The following MSI1 variants were observed in gnomAD, a reference collection of about 807,000 sequenced individuals.
MSI1 encodes RNA-binding protein Musashi homolog 1.
MSI1 carries 15 observed loss-of-function variants against 54.4 expected under a neutral mutation model. The ratio of observed to expected loss-of-function variants is 0.28; its 90% CI spans 0.18 to 0.42. MSI1 has a LOEUF of 0.42. MSI1 is among the 20% of genes least tolerant of loss of function. The pLI, the probability that MSI1 is intolerant of heterozygous loss-of-function variation, is 1.00. For synonymous variants in MSI1, 200 were observed against 196.5 expected (o/e 1.02, Z -0.15); for missense variants, 304 against 506.0 (o/e 0.60, Z 3.83).
rs1250724247 is a variant in MSI1, at chr12:120,368,757, TG to T, written c.100+75del. 2 of 1,274,642 alleles carry T rather than the reference TG, an allele frequency of 1.6e-6. No homozygotes were observed. The highest frequency in any genetic ancestry group is 7.0e-5 in the Admixed American group (2 of 28,532). The allele number at this position is 1,274,642 out of a possible 1,614,324, so 79.0% of individuals were successfully genotyped here. On this transcript the variant is annotated intron_variant, in intron 2 of 14. Coordinates refer to ENST00000257552, the MANE Select transcript of MSI1 (RefSeq NM_002442.4). The surrounding 1 kb of genome is among the most constrained non-coding windows in gnomAD (Gnocchi z 6.6). ...GGGTCAGCAGGGCGCAGGGCCGGGC[TG>T]GGGTGTCCGGGTCCGGGGCGCCGGG...
rs1464070599 is a variant in MSI1, at chr12:120,364,727, C to T, written c.296G>A (p.Arg99Gln). The T allele has an allele frequency of 1.0e-5, 16 of 1,599,892 alleles. No homozygotes were observed. Among genetic ancestry groups the T allele is most frequent in the East Asian group, 4.5e-5 (2 of 43,964 alleles). ...TIDPKVAFPRRAQPKMVTRTK... is the reference protein window; with the variant it reads ...TIDPKVAFPRQAQPKMVTRTK... ...AGACACACCTACCTTGGGCTGTGCTCGCCGAGGGAAGGCCACCTTAGGGTC... is the reference window on the plus strand; with the variant it reads ...AGACACACCTACCTTGGGCTGTGCTTGCCGAGGGAAGGCCACCTTAGGGTC... The change falls in exon 5 of 15, where the codon CGA (arginine) becomes CAA (glutamine). Residue 99 changes from arginine (R) to glutamine (Q), a missense_variant. By Grantham distance (43) the Arg-to-Gln change is conservative (BLOSUM62 1). Transcript: ENST00000257552.
chr12:120,344,732 G>A (rs887611285), intron 14 of MSI1, among the ~76,000 whole-genome samples: 4 of 150,230 alleles, frequency 2.7e-5, no homozygotes, highest in African/African-American at 9.8e-5. Context: ...ATAGGGCTGG[G>A]CACGGTGGCT....
chr12:120,345,427 A>G (rs1874028651), intron 14 of MSI1, 143 bp downstream of exon 14: 1 of 679,758 alleles, frequency 1.5e-6, no homozygotes, highest in Admixed American at 2.9e-5. Context: ...TTTCATCTTT[A>G]TTGACCACAG....
chr12:120,351,233 G>T, intron 11 of MSI1, 111 bp downstream of exon 11: 1 of 1,044,470 alleles, frequency 9.6e-7, no homozygotes, highest in East Asian at 2.6e-5. Flanking sequence ...ACAGCCGGAG[G>T]GCTGGCGGGC....
chr12:120,354,282 A>C (rs1346362463), intron 9 of MSI1, among the ~76,000 whole-genome samples: 1 of 152,166 alleles, frequency 6.6e-6, no homozygotes, highest in Non-Finnish European at 1.5e-5. Context: ...GCCAGAAAGT[A>C]CTCATGATTT....
At chr12:120,355,488 A>G (rs1875036757) in intron 9 of MSI1, among the ~76,000 whole-genome samples, 1 of 152,208 alleles carries the variant, frequency 6.6e-6, no homozygotes, top group South Asian at 2.1e-4. Flanking sequence ...TACATGAAAG[A>G]ATATCCCTAA....
At chr12:120,355,897 G>A (rs1026414821) in intron 9 of MSI1, among the ~76,000 whole-genome samples, 1 of 151,524 alleles carries the variant, frequency 6.6e-6, no homozygotes, top group Non-Finnish European at 1.5e-5. Flanking sequence ...GTACCTCTCT[G>A]TGTGCCACTC....
At chr12:120,364,423 A>G (rs1217493637) in intron 5 of MSI1, among the ~76,000 whole-genome samples, 1 of 152,100 alleles carries the variant, frequency 6.6e-6, no homozygotes, top group Non-Finnish European at 1.5e-5. Flanking sequence ...CTCAGGCTCC[A>G]AACTCTACTG....
rs1876118310 is a variant in MSI1 at position 120,367,937 on chromosome 12, G to A, written c.267+71C>T. 7.5e-6 allele frequency: 11 copies of A among 1,460,020 alleles called. No homozygotes were observed. The South Asian group carries it at 1.3e-4, about 18-fold the overall frequency. The allele number at this position is 1,460,020 out of a possible 1,614,324, so 90.4% of individuals were successfully genotyped here. On this transcript the variant is annotated intron_variant, in intron 4 of 14. Transcript: ENST00000257552. ...GGACCCCGTCCAGCTGTCCCCTGGG[G>A]AGAGTCCTGACCCTCTCCTCCGGCA... is the stretch of plus-strand genomic sequence containing the variant.
intron 6 of MSI1, among the ~76,000 whole-genome samples, chr12:120,362,473 C>A (rs1875734508): frequency 6.6e-6 from 1 of 152,170 alleles, no homozygotes; most frequent in African/African-American, 2.4e-5. Flanking sequence ...AAGCTCCATG[C>A]CCCTTACAGC....
intron 4 of MSI1, among the ~76,000 whole-genome samples, chr12:120,365,759 A>T (rs767354616): frequency 1.3e-5 from 2 of 152,152 alleles, no homozygotes; most frequent in Non-Finnish European, 2.9e-5. Flanking sequence ...GTGAAAGGGC[A>T]TGGGACTTGA....
At position 120,368,814 on chromosome 12, in the gene MSI1, C is replaced by A. The variant is rs1204265179; in HGVS notation, c.100+19G>T. On this transcript the variant is annotated intron_variant, in intron 2 of 14. Transcript: ENST00000257552. This position sits in a 1 kb window ranked among gnomAD's most constrained non-coding sequence, Gnocchi z 6.6. ...CGGGGTGCCCTGCCGGACCGGCGGG[C>A]GCTCCCGGGCTCGCTCACCCTGCGT... 10 of 1,400,746 alleles carry A rather than the reference C, an allele frequency of 7.1e-6. No individual in the cohort carries two copies. Among genetic ancestry groups the A allele is most frequent in the Non-Finnish European group, 9.4e-6 (10 of 1,063,720 alleles). 86.8% of individuals were successfully genotyped at this position (1,400,746 alleles called of 1,614,324 possible). A position where few individuals can be genotyped will look rare whatever the true frequency, so the allele number is the denominator to read the frequency against.
rs574205189 is a variant in MSI1, at chr12:120,356,805, G to T, written c.652+97C>A. 3.0e-4 allele frequency: 322 copies of T among 1,068,102 alleles called. 1 individual carries two copies. Among genetic ancestry groups the T allele is most frequent in the Non-Finnish European group, 4.4e-4 (309 of 701,376 alleles). The allele number at this position is 1,068,102 out of a possible 1,614,324, so 66.2% of individuals were successfully genotyped here. A position where few individuals can be genotyped will look rare whatever the true frequency, so the allele number is the denominator to read the frequency against. On this transcript the variant is annotated intron_variant, in intron 9 of 14. Coordinates refer to ENST00000257552, the MANE Select transcript of MSI1 (RefSeq NM_002442.4). ...CTGCTCAATGACTCAGACAGGAGGA[G>T]GGCAGACCACAGGGGAGGTGCAACA...
chr12:120,353,006 G>A (rs1874763032), intron 10 of MSI1, among the ~76,000 whole-genome samples: 1 of 152,142 alleles, frequency 6.6e-6, no homozygotes, highest in African/African-American at 2.4e-5. Flanking sequence ...TCTGGTGGAA[G>A]TGGCAACCCT....
In MSI1 at chr12:120,347,471, C is replaced by T. The variant is rs541375628; in HGVS notation, c.834G>A (p.Ala278=). 4.2e-5 allele frequency: 68 copies of T among 1,614,034 alleles called. No homozygotes were observed. The highest frequency in any genetic ancestry group is 3.2e-4 in the South Asian group (29 of 91,082). ...CTGTCCCTCGAACCACAGCCGCTGC[C>T]GCCGCTGCCGCCGCCATTGGTCCGT... ...TAYGPMAAAA[A]AAAVVRGTGS... The change falls in exon 12 of 15, where the codon GCG becomes GCA. Residue 278 remains alanine, a synonymous_variant. Coordinates refer to ENST00000257552, the MANE Select transcript of MSI1 (RefSeq NM_002442.4).
At chr12:120,366,274 A>G (rs994142506) in intron 4 of MSI1, among the ~76,000 whole-genome samples, 4 of 152,236 alleles carry the variant, frequency 2.6e-5, no homozygotes, top group African/African-American at 9.6e-5. Flanking sequence ...TGAATGGCAC[A>G]GACCAGGAAC....
chr12:120,367,383 A>G (rs1482852122), intron 4 of MSI1, among the ~76,000 whole-genome samples: 1 of 152,182 alleles, frequency 6.6e-6, no homozygotes, highest in Non-Finnish European at 1.5e-5. Context: ...ATGTTCCATG[A>G]GTTTGAATGC....
At chr12:120,347,250 G>A (rs1041042164) in intron 12 of MSI1, among the ~76,000 whole-genome samples, 196 bp downstream of exon 12, 1 of 152,198 alleles carries the variant, frequency 6.6e-6, no homozygotes. Context: ...GCGCCCAGCC[G>A]ACCCTGTCAG....
chr12:120,363,360 G>A (rs1046095072), intron 5 of MSI1, among the ~76,000 whole-genome samples: 1 of 148,244 alleles, frequency 6.7e-6, no homozygotes, highest in Non-Finnish European at 1.5e-5. Flanking sequence ...CCTCCTTCCT[G>A]CCTCCCTCCC....
Sources: allele counts gnomAD v4.1 joint callset (sites outside exome capture counted in the v4.1 genomes callset), GRCh38; gene constraint gnomAD v4.1.1; non-coding constraint Gnocchi (gnomAD v3.1); transcripts MANE v1.5; gene names NCBI Gene and HGNC (gene_info 2026-07-23, HGNC 2026-07-21).